Variants in PMP22 observed in about 807,000 individuals in gnomAD.
PMP22 encodes the protein peripheral myelin protein 22.
In PMP22, 2 loss-of-function variants were observed where a neutral mutation model predicts 18.9. The ratio of observed to expected loss-of-function variants is 0.11; its 90% CI spans 0.04 to 0.33. The LOEUF (loss-of-function observed/expected upper bound fraction) is 0.33, where lower values mean the gene tolerates loss of function less well. Among genes scored for constraint, PMP22 ranks in the 10% least tolerant of loss-of-function variants. PMP22 has a pLI of 1.00. For missense variants in PMP22, 169 were observed against 202.2 expected (o/e 0.84, Z 1.00); for synonymous variants, 95 against 89.2 (o/e 1.07, Z -0.37).
rs147562012 is a variant in PMP22, at chr17:15,235,538, G to A, written c.319+3933C>T. Among the ~76,000 whole-genome samples, 12 of 152,270 alleles carry A rather than the reference G, an allele frequency of 7.9e-5. No individual in the cohort carries two copies. The East Asian group carries it at 1.4e-3, about 17-fold the overall frequency. On this transcript the variant is annotated intron_variant, in intron 4 of 4. Coordinates refer to ENST00000312280, the MANE Select transcript of PMP22 (RefSeq NM_000304.4). ...ATAAGAATGACTCCAAAGTCCAGAC[G>A]CAGGATCAGGATGTTCCTTCTCTAA...
chr17:15,234,138 G>A (rs1326490951), intron 4 of PMP22, among the ~76,000 whole-genome samples: 3 of 152,118 alleles, frequency 2.0e-5, no homozygotes, highest in African/African-American at 7.2e-5. Context: ...TAATGCCTAC[G>A]GAGGATGCTA....
chr17:15,230,977 C>T lies in PMP22; in HGVS notation c.423G>A (p.Val141=). 1 of 1,614,156 alleles carries T rather than the reference C, an allele frequency of 6.2e-7. No individual in the cohort carries two copies. The highest frequency in any genetic ancestry group is 8.5e-7 in the Non-Finnish European group (1 of 1,180,036). Residue 141 remains valine, a synonymous_variant, in exon 5 of 5, where the codon GTG becomes GTA. Transcript: ENST00000312280. ...CGCTGAGAAGGGCCAGGGGGAAGGC[C>T]ACCCAGGCCAGGATGTAGGCGAAAC... is the stretch of plus-strand genomic sequence containing the variant. ...SYGFAYILAW[V]AFPLALLSGV... is the part of the protein sequence containing the mutation.
chr17:15,235,330 T>C (rs1357695244), intron 4 of PMP22: 3 of 717,366 alleles, frequency 4.2e-6, no homozygotes, highest in Non-Finnish European at 7.8e-6. Flanking sequence ...AATAATAGTT[T>C]TATTCAGGCT....
intron 4 of PMP22, among the ~76,000 whole-genome samples, chr17:15,231,847 G>T (rs1027692582): frequency 3.9e-5 from 6 of 152,136 alleles, no homozygotes; most frequent in Non-Finnish European, 5.9e-5. Flanking sequence ...ACCCTCCCTG[G>T]CCCACCAATG....
At chr17:15,248,838 CTTGTTT>C (rs1908074326) in intron 3 of PMP22, among the ~76,000 whole-genome samples, 1 of 152,124 alleles carries the variant, frequency 6.6e-6, no homozygotes, top group Non-Finnish European at 1.5e-5. Context: ...TATCAGGAGA[CTTGTTT>C]TTGTTTTTGT....
intron 3 of PMP22, among the ~76,000 whole-genome samples, chr17:15,245,401 T>C (rs1473276731): frequency 6.6e-6 from 1 of 152,214 alleles, no homozygotes; most frequent in African/African-American, 2.4e-5. Flanking sequence ...CCAGCATTTA[T>C]GTGCTCTGGT....
In PMP22 at chr17:15,239,618, G is replaced by A; in HGVS notation, c.179-7C>T. On this transcript the variant is annotated splice_region_variant and splice_polypyrimidine_tract_variant and intron_variant, in intron 3 of 4. Coordinates refer to ENST00000312280, the MANE Select transcript of PMP22 (RefSeq NM_000304.4). ...TGGACAGACTGCAGCCATTCTGGGGGAAAGAGACACTTGGTTAGGAGAGCT... is the reference window on the plus strand; with the variant it reads ...TGGACAGACTGCAGCCATTCTGGGGAAAAGAGACACTTGGTTAGGAGAGCT... The A allele has an allele frequency of 6.2e-7, 1 of 1,613,764 alleles. No individual in the cohort carries two copies. The highest frequency in any genetic ancestry group is 8.5e-7 in the Non-Finnish European group (1 of 1,179,844).
At chr17:15,256,667 A>G (rs993501976) in intron 3 of PMP22, among the ~76,000 whole-genome samples, 2 of 152,136 alleles carry the variant, frequency 1.3e-5, no homozygotes, top group Non-Finnish European at 2.9e-5. Context: ...ATTACTTTTG[A>G]TTACTTAACA....
chr17:15,238,659 C>T (rs1370559396), intron 4 of PMP22, among the ~76,000 whole-genome samples: 1 of 152,000 alleles, frequency 6.6e-6, no homozygotes, highest in African/African-American at 2.4e-5. Context: ...AGGCAGAATG[C>T]AAGATGTAAG....
intron 3 of PMP22, among the ~76,000 whole-genome samples, chr17:15,254,394 G>A (rs1908632233): frequency 6.6e-6 from 1 of 152,168 alleles, no homozygotes; most frequent in Admixed American, 6.5e-5. Context: ...GAACAATGGG[G>A]TGGCCTGAGG....
At chr17:15,245,474 C>T (rs1252011415) in intron 3 of PMP22, among the ~76,000 whole-genome samples, 1 of 152,174 alleles carries the variant, frequency 6.6e-6, no homozygotes, top group Admixed American at 6.5e-5. Context: ...ACCTAACTTG[C>T]CACATACATT....
In PMP22 at chr17:15,230,831, A is replaced by T; in HGVS notation, c.*86T>A. ...TGGTTTGAGTTTGGGATTTTGGGCT[A>T]GCTCTTTTTTCTTTGTCTGCTTTCT... On this transcript the variant is annotated 3_prime_UTR_variant, in exon 5 of 5. Transcript: ENST00000312280. 1 of 1,470,240 alleles carries T rather than the reference A, an allele frequency of 6.8e-7. No individual in the cohort carries two copies. The highest frequency in any genetic ancestry group is 1.1e-5 in the South Asian group (1 of 87,698). The allele number at this position is 1,470,240 out of a possible 1,614,324, so 91.1% of individuals were successfully genotyped here.
intron 3 of PMP22, among the ~76,000 whole-genome samples, chr17:15,250,721 C>T (rs1358841686): frequency 6.6e-6 from 1 of 152,156 alleles, no homozygotes; most frequent in Non-Finnish European, 1.5e-5. Context: ...TCTCTACTTC[C>T]CCTCCCTAGC....
At chr17:15,260,598 C>T in intron 2 of PMP22, 52 bp downstream of exon 2, 2 of 1,448,612 alleles carry the variant, frequency 1.4e-6, no homozygotes, top group South Asian at 1.2e-5. Flanking sequence ...GGGCTGGGAA[C>T]CCAGATGGGG....
chr17:15,264,763 G>T (rs1909598362), intron 1 of PMP22, among the ~76,000 whole-genome samples: 1 of 152,132 alleles, frequency 6.6e-6, no homozygotes, highest in Non-Finnish European at 1.5e-5. Flanking sequence ...TGCTGACCAG[G>T]CTTGCCACAC....
chr17:15,246,461 G>C (rs17773227), intron 3 of PMP22, among the ~76,000 whole-genome samples: 22,800 of 152,162 alleles, frequency 0.15, 2,161 homozygotes, highest in Middle Eastern at 0.24. Flanking sequence ...ATAATGATTC[G>C]AGTTCAGAGA....
At chr17:15,256,793 T>C (rs575550250) in intron 3 of PMP22, among the ~76,000 whole-genome samples, 101 of 152,358 alleles carry the variant, frequency 6.6e-4, no homozygotes, top group Middle Eastern at 3.4e-3. Flanking sequence ...CACATTTTTT[T>C]CAGCTTATTG....
chr17:15,249,539 A>G (rs1218823983), intron 3 of PMP22, among the ~76,000 whole-genome samples: 5 of 152,188 alleles, frequency 3.3e-5, no homozygotes, highest in Non-Finnish European at 4.4e-5. Context: ...CACAAAAACT[A>G]GAGAGGGTGG....
chr17:15,242,153 T>G (rs577574850), intron 3 of PMP22, among the ~76,000 whole-genome samples: 1 of 138,280 alleles, frequency 7.2e-6, no homozygotes, highest in East Asian at 2.1e-4. Context: ...ACTTGGGAGG[T>G]TGAGGCAGAG....
Sources: allele counts gnomAD v4.1 joint callset (sites outside exome capture counted in the v4.1 genomes callset), GRCh38; gene constraint gnomAD v4.1.1; transcripts MANE v1.5; gene names NCBI Gene and HGNC (gene_info 2026-07-23, HGNC 2026-07-21).